The following TADA1 variants were observed in gnomAD, a reference collection of about 807,000 sequenced individuals.
TADA1 encodes transcriptional adapter 1.
TADA1 carries 23 observed loss-of-function variants against 39.3 expected under a neutral mutation model. That is an observed-to-expected ratio of 0.58 (90% confidence interval 0.42 to 0.83). The LOEUF is 0.83. Ranked by LOEUF, TADA1 falls within the 40% of genes least tolerant of loss-of-function variation. The pLI is 0.00. For missense variants in TADA1, 352 were observed against 408.1 expected (o/e 0.86, Z 1.18); for synonymous variants, 137 against 151.8 (o/e 0.90, Z 0.72).
chr1:166,873,332 C>T (rs1016523609), intron 1 of TADA1, among the ~76,000 whole-genome samples: 1 of 152,024 alleles, frequency 6.6e-6, no homozygotes, highest in Admixed American at 6.6e-5. Flanking sequence ...AGAAATCAGG[C>T]ACCTATTTGA....
At chr1:166,860,393 A>C (rs1294037584) in intron 5 of TADA1, 56 bp from the exon 6 acceptor site, 1 of 1,530,522 alleles carries the variant, frequency 6.5e-7, no homozygotes, top group African/African-American at 1.4e-5. Context: ...GCAAATCATA[A>C]AACTTCCACT....
chr1:166,864,728 C>T (rs943073478), intron 3 of TADA1, among the ~76,000 whole-genome samples: 3 of 152,208 alleles, frequency 2.0e-5, no homozygotes, highest in Admixed American at 2.0e-4. Context: ...ATGCAGGTCA[C>T]AGGCCCAGGA....
chr1:166,862,188 C>G lies in TADA1; in HGVS notation c.540+15G>C. The G allele has an allele frequency of 1.2e-6, 2 of 1,612,382 alleles. No homozygotes were observed. Among genetic ancestry groups the G allele is most frequent in the Non-Finnish European group, 1.7e-6 (2 of 1,179,654 alleles). ...ATTCAACCTGTAAGATTATTTCTGCCAACAGCAAACCAACCTCCACAGCAT... is the reference window on the plus strand; with the variant it reads ...ATTCAACCTGTAAGATTATTTCTGCGAACAGCAAACCAACCTCCACAGCAT... On this transcript the variant is annotated intron_variant, in intron 5 of 7. Transcript: ENST00000367874.
intron 1 of TADA1, 49 bp from the exon 2 acceptor site, chr1:166,869,903 G>GT (rs753017347): frequency 1.0e-4 from 151 of 1,494,860 alleles, no homozygotes; most frequent in African/African-American, 2.5e-4. Context: ...GCTGCTTCTA[G>GT]TTTTTTTTGT....
In TADA1 at chr1:166,862,419, G is replaced by A; in HGVS notation, c.331-7C>T. ...TTTGAGGCTGGAATCTATGCTATGA[G>A]TAAGAAAAACTTTTTAAAATTACTC... On this transcript the variant is annotated splice_region_variant and splice_polypyrimidine_tract_variant and intron_variant, in intron 4 of 7. Transcript: ENST00000367874. 6.2e-7 allele frequency: 1 copy of A among 1,613,022 alleles called. No individual in the cohort carries two copies. The highest frequency in any genetic ancestry group is 8.5e-7 in the Non-Finnish European group (1 of 1,179,230).
intron 1 of TADA1, 89 bp from the exon 2 acceptor site, chr1:166,869,943 T>C (rs1172349078): frequency 1.5e-5 from 16 of 1,098,224 alleles, no homozygotes; most frequent in Non-Finnish European, 2.1e-5. Context: ...AGACGGGGTT[T>C]TTTATTCTGT....
rs1395261419 is a variant in TADA1, at chr1:166,858,156, G to A, written c.818C>T (p.Pro273Leu). Residue 273 changes from proline (P) to leucine (L), a missense_variant, in exon 7 of 8, where the codon CCT becomes CTT. Around this residue, in one of 3 missense-constraint regions of TADA1, gnomAD observed 285 missense variants for 310.9 expected, o/e 0.92. Transcript: ENST00000367874. ...AAAAAGATCGTACATGTTCACCGGA[G>A]GCAAAGATGCAGGTAGAGTGTCTCC... ...CSGDTLPASL[P>L]PVNMYDLFEA... 4 of 1,614,174 alleles carry A rather than the reference G, an allele frequency of 2.5e-6. No homozygotes were observed. The Admixed American group carries it at 5.0e-5, about 20-fold the overall frequency.
intron 3 of TADA1, chr1:166,869,120 T>A (rs1571241608): frequency 2.8e-6 from 1 of 355,604 alleles, no homozygotes; most frequent in East Asian, 6.9e-5. Flanking sequence ...AGCTCATTTG[T>A]GAACAGACTT....
At chr1:166,860,129 G>A (rs2101786621) in intron 6 of TADA1, 57 bp downstream of exon 6, 1 of 1,506,318 alleles carries the variant, frequency 6.6e-7, no homozygotes, top group East Asian at 2.3e-5. Context: ...TGGTCTATAA[G>A]AGGAGTATAA....
intron 1 of TADA1, among the ~76,000 whole-genome samples, chr1:166,873,863 T>C (rs1016358946): frequency 1.2e-4 from 18 of 152,090 alleles, no homozygotes; most frequent in African/African-American, 4.3e-4. Context: ...AAAACACTTT[T>C]GGCAGCCCTG....
intron 1 of TADA1, 124 bp from the exon 2 acceptor site, chr1:166,869,978 C>A (rs1276634646): frequency 2.7e-6 from 2 of 728,380 alleles, no homozygotes; most frequent in South Asian, 1.8e-5. Context: ...TGCAGGGGAA[C>A]AATCAGAGCT....
chr1:166,857,316 AT>A lies in TADA1; in HGVS notation c.*250del, dbSNP rs1467969936. 2 of 452,958 alleles carry A rather than the reference AT, an allele frequency of 4.4e-6. No individual in the cohort carries two copies. Among genetic ancestry groups the A allele is most frequent in the Admixed American group, 3.8e-5 (1 of 26,404 alleles). 28.1% of individuals were successfully genotyped at this position (452,958 alleles called of 1,614,324 possible). A position where few individuals can be genotyped will look rare whatever the true frequency, so the allele number is the denominator to read the frequency against. On this transcript the variant is annotated 3_prime_UTR_variant, in exon 8 of 8. Transcript: ENST00000367874. ...AAGCCTCAGGTACCTAAATATCTCCATTCCAGGCACAGGATTTCATTAGTGC... is the reference window on the plus strand; with the variant it reads ...AAGCCTCAGGTACCTAAATATCTCCATCCAGGCACAGGATTTCATTAGTGC...
At chr1:166,865,589 A>G (rs1172500074) in intron 3 of TADA1, among the ~76,000 whole-genome samples, 2 of 152,018 alleles carry the variant, frequency 1.3e-5, no homozygotes, top group Non-Finnish European at 2.9e-5. Context: ...CGAGGCGGGC[A>G]GATCACGAGG....
intron 1 of TADA1, among the ~76,000 whole-genome samples, chr1:166,872,897 G>A (rs74659252): frequency 9.1e-4 from 138 of 152,326 alleles, no homozygotes; most frequent in African/African-American, 3.2e-3. Context: ...ATCAATCCCT[G>A]TGAAGGTCAG....
rs536290897 is a variant in TADA1, at chr1:166,858,605, A to G, written c.693-324T>C. Among the ~76,000 whole-genome samples the G allele has an allele frequency of 2.6e-5, 4 of 152,336 alleles. No individual in the cohort carries two copies. The South Asian group carries it at 8.3e-4, about 32-fold the overall frequency. ...ACAAATAAAGAGGGAGGTGAATGGT[A>G]CTGGAAACAACTGGTTCTAAAATAA... On this transcript the variant is annotated intron_variant, in intron 6 of 7. Transcript: ENST00000367874.
At chr1:166,875,791 A>G (rs2072740) in intron 1 of TADA1, among the ~76,000 whole-genome samples, 53,023 of 152,124 alleles carry the variant, frequency 0.35, 9,618 homozygotes, top group East Asian at 0.57. Flanking sequence ...CTCTGGCTGG[A>G]CGCGTAGGGC....
chr1:166,874,811 C>T (rs1237436738), intron 1 of TADA1, among the ~76,000 whole-genome samples: 3 of 152,012 alleles, frequency 2.0e-5, no homozygotes, highest in Non-Finnish European at 4.4e-5. Context: ...TATCTCTGGG[C>T]GTAAATAAAT....
At chr1:166,862,114 G>A (rs1044786571) in intron 5 of TADA1, 89 bp downstream of exon 5, 10 of 1,246,304 alleles carry the variant, frequency 8.0e-6, no homozygotes, top group East Asian at 2.3e-5. Flanking sequence ...AGTGACATTT[G>A]GATTCTTTTC....
chr1:166,876,143 G>A lies in TADA1; in HGVS notation c.74+17C>T, dbSNP rs1208611782. The A allele has an allele frequency of 1.9e-6, 3 of 1,611,244 alleles. No homozygotes were observed. Among genetic ancestry groups the A allele is most frequent in the Non-Finnish European group, 1.7e-6 (2 of 1,178,850 alleles). On this transcript the variant is annotated intron_variant, in intron 1 of 7. Coordinates refer to ENST00000367874, the MANE Select transcript of TADA1 (RefSeq NM_053053.4). ...ACCCGCGTGTTGGCCTGGACGCTGTGCTAGGGCAGCTCTTACTGTTTCACG... is the reference window on the plus strand; with the variant it reads ...ACCCGCGTGTTGGCCTGGACGCTGTACTAGGGCAGCTCTTACTGTTTCACG...
Sources: allele counts gnomAD v4.1 joint callset (sites outside exome capture counted in the v4.1 genomes callset), GRCh38; gene constraint gnomAD v4.1.1; regional missense constraint gnomAD v4.1.1; transcripts MANE v1.5; gene names NCBI Gene and HGNC (gene_info 2026-07-23, HGNC 2026-07-21).